The following ATXN7 variants were observed in gnomAD, a reference collection of about 807,000 sequenced individuals.
ATXN7 encodes ataxin 7.
ATXN7 carries 12 observed loss-of-function variants against 70.5 expected under a neutral mutation model. That is an observed-to-expected ratio of 0.17 (90% CI 0.11 to 0.28). The LOEUF (loss-of-function observed/expected upper bound fraction) is 0.28. ATXN7 is among the 10% of genes least tolerant of loss of function. The pLI, the probability that ATXN7 is intolerant of heterozygous loss-of-function variation, is 1.00. For missense variants in ATXN7, 1,256 were observed against 1,131.7 expected, an observed-to-expected ratio of 1.11 and a Z score of -1.58; for synonymous variants, 498 against 448.7, an observed-to-expected ratio of 1.11 and a Z score of -1.39.
chr3:63,872,119 C>T (rs1196389536), intron 1 of ATXN7, among the ~76,000 whole-genome samples: 1 of 152,054 alleles, frequency 6.6e-6, no homozygotes, highest in African/African-American at 2.4e-5. Flanking sequence ...CTAGCCTTGA[C>T]GAATGAGAAA....
rs112818892 is a variant in ATXN7, at chr3:63,919,318, A to G, written c.394+6093A>G. On this transcript the variant is annotated intron_variant, in intron 4 of 12. Transcript: ENST00000674280. ...ATGACCCACCAATCCCAAAACACTTACTATTGGTTCTTTACAGGAAAAGTT... is the reference window on the plus strand; with the variant it reads ...ATGACCCACCAATCCCAAAACACTTGCTATTGGTTCTTTACAGGAAAAGTT... 8.5e-3 allele frequency among the ~76,000 whole-genome samples: 1,289 copies of G among 152,278 alleles called. 18 individuals carry two copies. Among genetic ancestry groups the G allele is most frequent in the African/African-American group, 0.028 (1,174 of 41,560 alleles).
chr3:63,996,451 C>G lies in ATXN7; in HGVS notation c.2629C>G (p.Gln877Glu). ...ACACACAGGCACCATCCCAGGGGCA[C>G]AAGGACTGATGAACAGTTCCCTCCT... ...MKHTGTIPGA[Q>E]GLMNSSLLHQ... The change falls in exon 12 of 13, where the codon CAA (glutamine) becomes GAA (glutamate). Residue 877 changes from glutamine (Q) to glutamate (E), a missense_variant. Physicochemically the swap from Gln to Glu is conservative, Grantham distance 29. Coordinates refer to ENST00000674280, the MANE Select transcript of ATXN7 (RefSeq NM_001377405.1). 3 of 1,614,130 alleles carry G rather than the reference C, an allele frequency of 1.9e-6. No individual in the cohort carries two copies. Among genetic ancestry groups the G allele is most frequent in the Non-Finnish European group, 2.5e-6 (3 of 1,180,018 alleles).
At chr3:63,911,306 C>G (rs1049666356) in intron 2 of ATXN7, among the ~76,000 whole-genome samples, 1 of 152,084 alleles carries the variant, frequency 6.6e-6, no homozygotes, top group African/African-American at 2.4e-5. Flanking sequence ...TTTATTTTGC[C>G]ATCTGTAGCC....
chr3:63,978,056 C>T (rs1396611000), intron 5 of ATXN7, among the ~76,000 whole-genome samples: 2 of 152,152 alleles, frequency 1.3e-5, no homozygotes, highest in African/African-American at 4.8e-5. Context: ...ATAACTTACT[C>T]AGCTGTGGTT....
rs1374159031 is a variant in ATXN7 at position 63,990,253 on chromosome 3, C to T, written c.1439C>T (p.Pro480Leu). ...CCAGTCCATGAATCTCCACACCCTC[C>T]CCTGCCTGCCACTGAGCCAGCTTCT... The part of the protein sequence containing the change: ...PPPVHESPHP[P>L]LPATEPASRL... The change falls in exon 10 of 13, where the codon CCC becomes CTC. Residue 480 changes from proline to leucine, a missense_variant. Transcript: ENST00000674280. 1 of 1,613,972 alleles carries T rather than the reference C, an allele frequency of 6.2e-7. No individual in the cohort carries two copies. Among genetic ancestry groups the T allele is most frequent in the East Asian group, 2.2e-5 (1 of 44,876 alleles).
intron 5 of ATXN7, among the ~76,000 whole-genome samples, chr3:63,979,345 C>G (rs775697583): frequency 2.6e-5 from 4 of 152,124 alleles, no homozygotes; most frequent in Non-Finnish European, 5.9e-5. Flanking sequence ...TGAAATGATT[C>G]ACTGGAAAAT....
chr3:63,954,374 T>G (rs1389221856), intron 5 of ATXN7, among the ~76,000 whole-genome samples: 1 of 152,220 alleles, frequency 6.6e-6, no homozygotes, highest in East Asian at 1.9e-4. Flanking sequence ...CTCTGGGATG[T>G]GCTGCACGAG....
At position 63,912,567 on chromosome 3, in the gene ATXN7, CTT is replaced by C; in HGVS notation, c.-11-14_-11-13del. The C allele has an allele frequency of 9.0e-7, 1 of 1,116,062 alleles. No homozygotes were observed. The highest frequency in any genetic ancestry group is 1.1e-6 in the Non-Finnish European group (1 of 899,722). 69.1% of individuals were successfully genotyped at this position (1,116,062 alleles called of 1,614,324 possible). On this transcript the variant is annotated intron_variant, in intron 2 of 12. Coordinates refer to ENST00000674280, the MANE Select transcript of ATXN7 (RefSeq NM_001377405.1). ...ACGGCCCCCGCGCGACTCTTTCCCC[CTT>C]TTTTTTGTTACATTGTAGGAGCGGA... is the stretch of plus-strand genomic sequence containing the variant.
Position 63,898,913 on chromosome 3 carries a change from GA to G in ATXN7, c.-12+418del, listed in dbSNP as rs1559624002. 6.6e-5 allele frequency among the ~76,000 whole-genome samples: 10 copies of G among 152,236 alleles called. No individual in the cohort carries two copies. In the South Asian group the frequency reaches 2.1e-3, roughly 32 times the overall value. On this transcript the variant is annotated intron_variant, in intron 2 of 12. Coordinates refer to ENST00000674280, the MANE Select transcript of ATXN7 (RefSeq NM_001377405.1). ...TGTAGACCCAGCTGCTTAGGGCAGGGAAGATCATCAGCAAGACTGTAAAACA... is the reference window on the plus strand; with the variant it reads ...TGTAGACCCAGCTGCTTAGGGCAGGGAGATCATCAGCAAGACTGTAAAACA...
Position 63,982,357 on chromosome 3 carries a change from T to C in ATXN7, c.924T>C (p.Asn308=). The C allele has an allele frequency of 6.2e-7, 1 of 1,614,124 alleles. No homozygotes were observed. ...TGCCTTCACCTGGACAGATTCTGAA[T>C]GGCAAAGGGCTTCCTGCACCGCCCA... ...PTLPSPGQIL[N]GKGLPAPPTL... Residue 308 remains asparagine, a synonymous_variant, in exon 7 of 13, where the codon AAT becomes AAC. Transcript: ENST00000674280.
At chr3:63,883,474 G>A (rs1211909039) in intron 1 of ATXN7, among the ~76,000 whole-genome samples, 1 of 151,834 alleles carries the variant, frequency 6.6e-6, no homozygotes, top group South Asian at 2.1e-4. Flanking sequence ...TTCCCACTAG[G>A]TACCCCTGCT....
At chr3:63,988,503 C>G in intron 9 of ATXN7, 179 bp downstream of exon 9, 1 of 811,214 alleles carries the variant, frequency 1.2e-6, no homozygotes. Context: ...AAGTTTCAAC[C>G]AGGGCTCCTC....
chr3:63,989,488 C>T (rs2075632797), intron 9 of ATXN7, among the ~76,000 whole-genome samples: 1 of 152,144 alleles, frequency 6.6e-6, no homozygotes, highest in Admixed American at 6.5e-5. Flanking sequence ...GGTTTCACAT[C>T]CGTGGTTTAC....
chr3:63,887,751 A>G (rs909610661), intron 1 of ATXN7, among the ~76,000 whole-genome samples: 4 of 151,884 alleles, frequency 2.6e-5, no homozygotes, highest in Non-Finnish European at 5.9e-5. Flanking sequence ...ACACCCAGCT[A>G]ATTTTTGTAT....
chr3:63,958,320 T>C (rs903437278), intron 5 of ATXN7, among the ~76,000 whole-genome samples: 9 of 152,220 alleles, frequency 5.9e-5, no homozygotes, highest in African/African-American at 2.2e-4. Flanking sequence ...AAATTACTTA[T>C]ATATTCATAT....
At chr3:63,935,467 C>T (rs960362077) in intron 4 of ATXN7, among the ~76,000 whole-genome samples, 6 of 152,132 alleles carry the variant, frequency 3.9e-5, no homozygotes, top group African/African-American at 1.4e-4. Flanking sequence ...AAGCTATTCA[C>T]ACACACTCGA....
At chr3:63,959,346 G>A (rs1034731293) in intron 5 of ATXN7, among the ~76,000 whole-genome samples, 3 of 152,236 alleles carry the variant, frequency 2.0e-5, no homozygotes, top group African/African-American at 7.2e-5. Context: ...TCCAGCAGTC[G>A]GGGGATGAGC....
intron 1 of ATXN7, among the ~76,000 whole-genome samples, chr3:63,881,087 ATGTGCCAGAC>A (rs1363512299): frequency 6.6e-6 from 1 of 152,224 alleles, no homozygotes; most frequent in African/African-American, 2.4e-5. Flanking sequence ...AGCAGTTAGT[ATGTGCCAGAC>A]TGTGCTTTAC....
At chr3:63,864,979 C>G (rs1702363866) in intron 1 of ATXN7, 1 of 152,188 alleles carries the variant, frequency 6.6e-6, no homozygotes, top group South Asian at 2.1e-4. Context: ...GCACCAGGAT[C>G]GTGTCTCATT....
Sources: allele counts gnomAD v4.1 joint callset (sites outside exome capture counted in the v4.1 genomes callset), GRCh38; gene constraint gnomAD v4.1.1; transcripts MANE v1.5; gene names NCBI Gene and HGNC (gene_info 2026-07-23, HGNC 2026-07-21).